The following LINGO1 variants were observed in gnomAD, a reference collection of about 807,000 sequenced individuals.
LINGO1 encodes leucine-rich repeat and immunoglobulin-like domain-containing nogo receptor-interacting protein 1.
Under a neutral mutation model 37.3 loss-of-function variants are expected in LINGO1, and 11 were observed. The ratio of observed to expected loss-of-function variants is 0.29; its 90% CI spans 0.19 to 0.49. The LOEUF is 0.49. Ranked by LOEUF, LINGO1 falls within the 20% of genes least tolerant of loss-of-function variation. The pLI is 0.99. For synonymous variants in LINGO1, 387 were observed against 403.0 expected, an observed-to-expected ratio of 0.96 and a Z score of 0.48; for missense variants, 585 against 878.2, an observed-to-expected ratio of 0.67 and a Z score of 4.22.
intron 3 of LINGO1, among the ~76,000 whole-genome samples, chr15:77,658,119 G>A (rs911666215): frequency 6.6e-5 from 10 of 152,196 alleles, no homozygotes; most frequent in Non-Finnish European, 1.3e-4. Context: ...ACGGCGGGAT[G>A]TCTAGGAAGG....
At chr15:77,731,644 T>C (rs1212596586) in intron 2 of LINGO1, among the ~76,000 whole-genome samples, 1 of 152,128 alleles carries the variant, frequency 6.6e-6, no homozygotes, top group Non-Finnish European at 1.5e-5. Flanking sequence ...CCTGCCACCA[T>C]CCCAATGTGC....
At chr15:77,813,215 A>C (rs1045890023) in intron 1 of LINGO1, among the ~76,000 whole-genome samples, 6 of 152,176 alleles carry the variant, frequency 3.9e-5, no homozygotes, top group Non-Finnish European at 8.8e-5. Context: ...TGCTTCCAGG[A>C]GGGGTGGCCA....
At chr15:77,734,472 C>T (rs1468673789) in intron 2 of LINGO1, among the ~76,000 whole-genome samples, 1 of 151,340 alleles carries the variant, frequency 6.6e-6, no homozygotes, top group Non-Finnish European at 1.5e-5. Context: ...CAGTGATCCC[C>T]AGACACAGCA....
At chr15:77,684,574 C>T (rs1237881027) in intron 2 of LINGO1, among the ~76,000 whole-genome samples, 2 of 152,234 alleles carry the variant, frequency 1.3e-5, no homozygotes, top group Non-Finnish European at 2.9e-5. Context: ...GTGGAGGGTG[C>T]ACCAGGGTCT....
chr15:77,803,363 G>A (rs915075695), intron 1 of LINGO1, among the ~76,000 whole-genome samples: 65 of 152,028 alleles, frequency 4.3e-4, no homozygotes, highest in African/African-American at 1.5e-3. Context: ...TGGCAGGATC[G>A]CTTGAGCCCA....
At chr15:77,698,568 G>C (rs992521594), upstream of LINGO1, among the ~76,000 whole-genome samples, 1 of 152,186 alleles carries the variant, frequency 6.6e-6, no homozygotes, top group Non-Finnish European at 1.5e-5. Context: ...AGTGGGGCTG[G>C]CTCATGGTCC....
chr15:77,638,846 G>A (rs1450470886), upstream of LINGO1, among the ~76,000 whole-genome samples: 1 of 152,138 alleles, frequency 6.6e-6, no homozygotes, highest in Admixed American at 6.5e-5. Context: ...TGCCCTGCTT[G>A]TGTAATCCCC....
At chr15:77,709,948 G>T (rs1785856813) in intron 2 of LINGO1, among the ~76,000 whole-genome samples, 1 of 152,230 alleles carries the variant, frequency 6.6e-6, no homozygotes, top group African/African-American at 2.4e-5. Flanking sequence ...TTTGGCTTCT[G>T]ACTGGGCATC....
chr15:77,805,946 T>C (rs1430830958), intron 1 of LINGO1, among the ~76,000 whole-genome samples: 1 of 152,164 alleles, frequency 6.6e-6, no homozygotes, highest in Non-Finnish European at 1.5e-5. Flanking sequence ...CAGGCAGGGA[T>C]ACCTGACCCC....
At chr15:77,795,026 CA>C (rs2076861878) in intron 2 of LINGO1, among the ~76,000 whole-genome samples, 1 of 152,154 alleles carries the variant, frequency 6.6e-6, no homozygotes, top group Non-Finnish European at 1.5e-5. Context: ...GGCCTGCCAC[CA>C]GGCTTCTTCA....
intron 1 of LINGO1, among the ~76,000 whole-genome samples, chr15:77,693,387 G>A (rs1194582296): frequency 6.6e-6 from 1 of 152,204 alleles, no homozygotes; most frequent in African/African-American, 2.4e-5. Flanking sequence ...ATGTGAAAGA[G>A]AAGACTTGGG....
chr15:77,619,957 C>T (rs894789662), intron 1 of LINGO1, among the ~76,000 whole-genome samples: 3 of 152,148 alleles, frequency 2.0e-5, no homozygotes, highest in African/African-American at 7.2e-5. Context: ...GGCTAGGATG[C>T]CTGCCCAAGC....
At position 77,704,386 on chromosome 15, in the gene LINGO1, C is replaced by T. The variant is rs532418076; in HGVS notation, c.-194-13485G>A. ...CCGACGCTGGTCACATACTGAACCC[C>T]GACCCTGATCACAGATTGAACCCCA... On this transcript the variant is annotated intron_variant, in intron 2 of 3. Transcript: ENST00000561686. 6.0e-4 allele frequency among the ~76,000 whole-genome samples: 91 copies of T among 151,868 alleles called. 1 individual carries two copies. Among genetic ancestry groups the T allele is most frequent in the African/African-American group, 2.2e-3 (89 of 41,274 alleles).
chr15:77,634,056 C>A (rs1012790124), upstream of LINGO1, among the ~76,000 whole-genome samples: 1 of 152,214 alleles, frequency 6.6e-6, no homozygotes, highest in Non-Finnish European at 1.5e-5. Context: ...CTTGAGTCCA[C>A]AGGGGCAGCT....
At chr15:77,712,636 C>T (rs1245513215) in intron 2 of LINGO1, among the ~76,000 whole-genome samples, 1 of 152,188 alleles carries the variant, frequency 6.6e-6, no homozygotes, top group Admixed American at 6.5e-5. Context: ...CTGGCAGTGG[C>T]CCCACCTCCA....
intron 1 of LINGO1, among the ~76,000 whole-genome samples, chr15:77,815,798 T>C (rs2077043094): frequency 6.6e-6 from 1 of 152,090 alleles, no homozygotes; most frequent in Admixed American, 6.5e-5. Context: ...TCTAATTGTG[T>C]TCCTCCAGAA....
intron 2 of LINGO1, among the ~76,000 whole-genome samples, chr15:77,727,651 G>A (rs2076115801): frequency 6.6e-6 from 1 of 151,984 alleles, no homozygotes; most frequent in Admixed American, 6.6e-5. Context: ...AAGGAATCTG[G>A]TGTACAGTAA....
intron 3 of LINGO1, among the ~76,000 whole-genome samples, chr15:77,661,873 T>C (rs958704007): frequency 6.6e-6 from 1 of 152,210 alleles, no homozygotes; most frequent in African/African-American, 2.4e-5. Flanking sequence ...CCAGAGAGTC[T>C]TGGAGACCCT....
At position 77,819,729 on chromosome 15, in the gene LINGO1, G is replaced by A. The variant is rs1301613855; in HGVS notation, c.-458+529C>T. ...ACCCGCCGGCCTTAGGTGCCCCGCT[G>A]CTCCCCGTAGGGACCCCGCGGGCGG... On this transcript the variant is annotated intron_variant, in intron 1 of 5. Transcript: ENST00000562933. Among the ~76,000 whole-genome samples the A allele has an allele frequency of 3.1e-3, 472 of 150,536 alleles. 2 individuals are homozygous for A. The highest frequency in any genetic ancestry group is 0.011 in the African/African-American group (437 of 41,136).
Sources: allele counts gnomAD v4.1 joint callset (sites outside exome capture counted in the v4.1 genomes callset), GRCh38; gene constraint gnomAD v4.1.1; transcripts MANE v1.5; gene names NCBI Gene and HGNC (gene_info 2026-07-23, HGNC 2026-07-21).